Variants in PDE4B observed in about 807,000 individuals in gnomAD.
PDE4B encodes phosphodiesterase 4B, also known as 3',5'-cyclic-AMP phosphodiesterase 4B.
Under a neutral mutation model 82.2 loss-of-function variants are expected in PDE4B, and 20 were observed. The observed-to-expected ratio is 0.24, with a 90% CI of 0.17 to 0.35. The LOEUF (loss-of-function observed/expected upper bound fraction) is 0.35. Among genes scored for constraint, PDE4B ranks in the 10% least tolerant of loss-of-function variants. PDE4B has a pLI of 1.00. For missense variants in PDE4B, 655 were observed against 907.2 expected (o/e 0.72, Z 3.57); for synonymous variants, 320 against 318.9 (o/e 1.00, Z -0.04).
At chr1:65,948,742 T>G (rs1290907071) in intron 3 of PDE4B, among the ~76,000 whole-genome samples, 2 of 152,084 alleles carry the variant, frequency 1.3e-5, no homozygotes, top group Admixed American at 6.6e-5. Flanking sequence ...GCTATCAGCA[T>G]CAATCTGTAT....
intron 3 of PDE4B, among the ~76,000 whole-genome samples, chr1:65,958,751 C>CAA (rs1491088579): frequency 6.9e-6 from 1 of 145,410 alleles, no homozygotes; most frequent in African/African-American, 2.8e-5. Flanking sequence ...CACACACACG[C>CAA]GCGCGCGCGC....
chr1:66,017,675 A>G (rs1652853776), intron 3 of PDE4B, among the ~76,000 whole-genome samples: 1 of 152,124 alleles, frequency 6.6e-6, no homozygotes. Flanking sequence ...AATATTTTTA[A>G]ATAAAACAAG....
At chr1:66,122,411 T>A (rs1182273001) in intron 3 of PDE4B, among the ~76,000 whole-genome samples, 4 of 152,174 alleles carry the variant, frequency 2.6e-5, no homozygotes, top group African/African-American at 9.7e-5. Flanking sequence ...TTTGTTTAAT[T>A]TTAGACCCAA....
chr1:66,255,508 T>C (rs1654148576), intron 4 of PDE4B, among the ~76,000 whole-genome samples: 1 of 152,236 alleles, frequency 6.6e-6, no homozygotes, highest in Non-Finnish European at 1.5e-5. Flanking sequence ...GCTAATATGC[T>C]CTGCTCCACC....
chr1:66,257,847 C>A lies in PDE4B; in HGVS notation c.568C>A (p.His190Asn). Residue 190 changes from histidine to asparagine, a missense_variant, in exon 6 of 17, where the codon CAT becomes AAT. By Grantham distance (68) the His-to-Asn change is moderately conservative. Transcript: ENST00000341517. ...RNNFTILTNL[H>N]GTSNKRSPAA... Reference sequence around the variant, plus strand: ...CAACTTCACTATACTGACAAACCTTCATGGTACATCTAACAAGTAAGGATT... The same window carrying A: ...CAACTTCACTATACTGACAAACCTTAATGGTACATCTAACAAGTAAGGATT... 6.2e-7 allele frequency: 1 copy of A among 1,612,038 alleles called. No homozygotes were observed. The highest frequency in any genetic ancestry group is 8.5e-7 in the Non-Finnish European group (1 of 1,178,204).
chr1:66,146,573 G>C (rs1165895937), intron 3 of PDE4B, among the ~76,000 whole-genome samples: 3 of 152,082 alleles, frequency 2.0e-5, no homozygotes, highest in Admixed American at 6.6e-5. Flanking sequence ...CAACTCCACT[G>C]TTCAAATCAG....
At chr1:66,203,431 C>A (rs2101544457) in intron 3 of PDE4B, among the ~76,000 whole-genome samples, 1 of 152,308 alleles carries the variant, frequency 6.6e-6, no homozygotes, top group Admixed American at 6.5e-5. Flanking sequence ...GGGTAATATC[C>A]TGCAGAGTGT....
intron 3 of PDE4B, among the ~76,000 whole-genome samples, chr1:65,972,352 AT>A (rs5774780): frequency 0.98 from 148,875 of 152,138 alleles, 72,923 homozygotes; most frequent in Middle Eastern, 1. Context: ...TGGAGAGGAT[AT>A]TTTTTTGTCA....
intron 3 of PDE4B, among the ~76,000 whole-genome samples, chr1:66,133,144 A>G (rs1400640350): frequency 6.6e-6 from 1 of 152,172 alleles, no homozygotes; most frequent in Non-Finnish European, 1.5e-5. Flanking sequence ...TTGGGAGATA[A>G]GGACTCAGAT....
intron 7 of PDE4B, among the ~76,000 whole-genome samples, chr1:66,323,311 A>G (rs1446610879): frequency 6.6e-6 from 1 of 152,094 alleles, no homozygotes; most frequent in Non-Finnish European, 1.5e-5. Flanking sequence ...AAAATCTCAT[A>G]ACTTTCCAAG....
chr1:65,921,169 C>T (rs951846003), intron 3 of PDE4B, among the ~76,000 whole-genome samples: 20 of 151,074 alleles, frequency 1.3e-4, no homozygotes, highest in African/African-American at 2.7e-4. Context: ...GGGGTTTCAC[C>T]GTTTTAGCCG....
At chr1:66,127,709 GGCCCGTCATTA>G (rs1175072638) in intron 3 of PDE4B, among the ~76,000 whole-genome samples, 2 of 152,018 alleles carry the variant, frequency 1.3e-5, no homozygotes, top group African/African-American at 4.8e-5. Context: ...AGGGCTATAC[GGCCCGTCATTA>G]GCAAAGAAAA....
intron 1 of PDE4B, among the ~76,000 whole-genome samples, chr1:65,859,438 A>G (rs1199183024): frequency 2.6e-5 from 4 of 152,158 alleles, no homozygotes; most frequent in African/African-American, 9.7e-5. Flanking sequence ...TTTTAGGTGA[A>G]TGTATTGAGT....
intron 16 of PDE4B, among the ~76,000 whole-genome samples, chr1:66,371,514 TG>T (rs2050780744): frequency 1.3e-5 from 2 of 152,164 alleles, no homozygotes; most frequent in Non-Finnish European, 2.9e-5. Flanking sequence ...GCCATAAGCC[TG>T]GTATTTAATC....
At chr1:66,275,660 G>T (rs1655827322) in intron 7 of PDE4B, among the ~76,000 whole-genome samples, 1 of 152,108 alleles carries the variant, frequency 6.6e-6, no homozygotes, top group South Asian at 2.1e-4. Flanking sequence ...GATCCTGGGG[G>T]CAGGGTGAAT....
At chr1:66,296,665 G>T (rs1657534351) in intron 7 of PDE4B, among the ~76,000 whole-genome samples, 1 of 152,128 alleles carries the variant, frequency 6.6e-6, no homozygotes, top group Non-Finnish European at 1.5e-5. Context: ...GCTCCATGAG[G>T]TCAGGATTTT....
At chr1:65,922,005 A>T (rs1159292245) in intron 3 of PDE4B, among the ~76,000 whole-genome samples, 1 of 152,218 alleles carries the variant, frequency 6.6e-6, no homozygotes, top group African/African-American at 2.4e-5. Flanking sequence ...AAAAACATTA[A>T]CATGATTTTA....
intron 3 of PDE4B, chr1:66,152,620 T>A (rs115304639): frequency 0.16 from 18,214 of 113,360 alleles, 1,410 homozygotes; most frequent in South Asian, 0.33. Flanking sequence ...ATATATATAT[T>A]TATATATGTG....
At chr1:66,106,750 T>C (rs532774570) in intron 3 of PDE4B, among the ~76,000 whole-genome samples, 1 of 151,178 alleles carries the variant, frequency 6.6e-6, no homozygotes, top group East Asian at 2.0e-4. Context: ...TATTCTCTGA[T>C]GGTAGTTTGT....
Sources: gnomAD v4.1 joint callset for allele counts (sites outside exome capture counted in the v4.1 genomes callset) on GRCh38, gnomAD v4.1.1 for gene constraint, MANE v1.5 for transcripts, NCBI Gene and HGNC (gene_info 2026-07-23, HGNC 2026-07-21) for gene names.